FAT4: variants seen among roughly 807,000 people sequenced by gnomAD.
FAT4 encodes protocadherin Fat 4.
Under a neutral mutation model 303.9 loss-of-function variants are expected in FAT4, and 84 were observed. The observed-to-expected ratio is 0.28, with a 90% CI of 0.23 to 0.33. FAT4 has a LOEUF of 0.33. Among genes scored for constraint, FAT4 ranks in the 10% least tolerant of loss-of-function variants. FAT4 has a pLI of 1.00. For missense variants in FAT4, 6,005 were observed against 6,146.8 expected (o/e 0.98, Z 0.77); for synonymous variants, 2,307 against 2,298.8 (o/e 1.00, Z -0.10).
intron 10 of FAT4, among the ~76,000 whole-genome samples, chr4:125,453,479 C>T (rs775740405): frequency 1.3e-5 from 2 of 152,008 alleles, no homozygotes; most frequent in African/African-American, 2.4e-5. Flanking sequence ...AAGGCCAAGG[C>T]GGGCAGATCA....
chr4:125,415,377 A>C lies in FAT4; in HGVS notation c.6414A>C (p.Thr2138=), dbSNP rs952005284. 6 of 1,613,938 alleles carry C rather than the reference A, an allele frequency of 3.7e-6. No homozygotes were observed. Among genetic ancestry groups the C allele is most frequent in the Non-Finnish European group, 5.1e-6 (6 of 1,179,994 alleles). Residue 2138 remains threonine (T), a synonymous_variant, in exon 6 of 18, where the codon ACA becomes ACC. Transcript: ENST00000394329. ...DKGQPSLSSS[T]EVVVMVLDIN... ...GTCAACCATCTCTCTCTTCATCTAC[A>C]GAGGTTGTAGTTATGGTACTTGACA...
intron 2 of FAT4, among the ~76,000 whole-genome samples, chr4:125,331,097 C>G (rs573575546): frequency 1.1e-4 from 17 of 152,122 alleles, no homozygotes; most frequent in Non-Finnish European, 1.8e-4. Context: ...CTCTTTCCTT[C>G]CTTTTGTTTC....
At chr4:125,363,737 G>A (rs56995730) in intron 2 of FAT4, among the ~76,000 whole-genome samples, 9,223 of 151,958 alleles carry the variant, frequency 0.061, 422 homozygotes, top group East Asian at 0.19. Context: ...CTCATGATCC[G>A]TCCACCTTGG....
intron 17 of FAT4, 52 bp from the exon 18 acceptor site, chr4:125,489,849 T>TTTTTTTC (rs1452760747): frequency 1.8e-5 from 7 of 386,968 alleles, no homozygotes; most frequent in South Asian, 7.7e-5. Context: ...TATAAGCTCT[T>TTTTTTTC]TTTTTTTTTT....
At position 125,318,325 on chromosome 4, in the gene FAT4, T is replaced by G; in HGVS notation, c.1914T>G (p.Ser638=). The G allele has an allele frequency of 6.2e-7, 1 of 1,614,248 alleles. No homozygotes were observed. The highest frequency in any genetic ancestry group is 8.5e-7 in the Non-Finnish European group (1 of 1,180,044). ...DRRSFRLDPV[S]GRLSTISSLD... is the part of the protein sequence containing the mutation. Reference sequence around the variant, plus strand: ...GGTCCTTCCGTCTGGATCCTGTGTCTGGGAGGTTGAGTACTATTTCCTCCT... The same window carrying G: ...GGTCCTTCCGTCTGGATCCTGTGTCGGGGAGGTTGAGTACTATTTCCTCCT... Residue 638 remains serine, a synonymous_variant, in exon 2 of 18, where the codon TCT becomes TCG. Coordinates refer to ENST00000394329, the MANE Select transcript of FAT4 (RefSeq NM_001291303.3).
In FAT4 at chr4:125,398,800, A is replaced by G. The variant is rs751377554; in HGVS notation, c.5192A>G (p.Gln1731Arg). 2 of 1,613,140 alleles carry G rather than the reference A, an allele frequency of 1.2e-6. No homozygotes were observed. The highest frequency in any genetic ancestry group is 1.7e-5 in the Admixed American group (1 of 59,978). ...TCTTTGTAGGTAGAAATAACACTTC[A>G]GGATATCAATGACAATCCACCAGTA... is the stretch of plus-strand genomic sequence containing the variant. The part of the protein sequence containing the change: ...TQRAEVEITL[Q>R]DINDNPPVFP... Residue 1731 changes from glutamine (Q) to arginine (R), a missense_variant, in exon 3 of 18, where the codon CAG (glutamine) becomes CGG (arginine). Coordinates refer to ENST00000394329, the MANE Select transcript of FAT4 (RefSeq NM_001291303.3).
At chr4:125,471,134 T>G (rs1344208655) in intron 12 of FAT4, among the ~76,000 whole-genome samples, 1 of 152,216 alleles carries the variant, frequency 6.6e-6, no homozygotes. Context: ...AAATAACATT[T>G]ATCAATTAAG....
chr4:125,468,926 C>T, intron 12 of FAT4, 107 bp downstream of exon 12: 1 of 1,201,402 alleles, frequency 8.3e-7, no homozygotes, highest in East Asian at 2.4e-5. Flanking sequence ...TAAATGAACA[C>T]TTTAGTTATG....
chr4:125,430,946 C>A (rs1725262867), intron 7 of FAT4, among the ~76,000 whole-genome samples: 1 of 152,290 alleles, frequency 6.6e-6, no homozygotes, highest in African/African-American at 2.4e-5. Context: ...TTGGTATGAA[C>A]ACAGTGAGAC....
intron 3 of FAT4, among the ~76,000 whole-genome samples, chr4:125,405,918 T>A (rs1734584620): frequency 6.6e-6 from 1 of 152,208 alleles, no homozygotes; most frequent in South Asian, 2.1e-4. Context: ...ATTTATATAT[T>A]TTGAAAATTA....
chr4:125,341,633 A>G (rs1328182991), intron 2 of FAT4, among the ~76,000 whole-genome samples: 2 of 152,054 alleles, frequency 1.3e-5, no homozygotes, highest in African/African-American at 4.8e-5. Context: ...TTCCTTATCT[A>G]AAAATCATTT....
chr4:125,358,451 G>T (rs950229841), intron 2 of FAT4, among the ~76,000 whole-genome samples: 2 of 151,990 alleles, frequency 1.3e-5, no homozygotes, highest in African/African-American at 4.8e-5. Flanking sequence ...CCTGCAACTA[G>T]ATGTTCCCAT....
At chr4:125,388,745 C>T (rs1578586845) in intron 2 of FAT4, among the ~76,000 whole-genome samples, 1 of 152,242 alleles carries the variant, frequency 6.6e-6, no homozygotes, top group South Asian at 2.1e-4. Context: ...CTAACTTGAA[C>T]AATATTGAAA....
intron 2 of FAT4, among the ~76,000 whole-genome samples, chr4:125,336,489 A>G (rs547133867): frequency 6.6e-6 from 1 of 152,194 alleles, no homozygotes; most frequent in African/African-American, 2.4e-5. Flanking sequence ...GTTAAAAGAT[A>G]GGGTAAGTGA....
At chr4:125,370,564 T>C (rs775430557) in intron 2 of FAT4, among the ~76,000 whole-genome samples, 14 of 152,156 alleles carry the variant, frequency 9.2e-5, no homozygotes, top group Non-Finnish European at 1.8e-4. Context: ...AGGATTGCAG[T>C]TGGATTAATA....
chr4:125,320,536 C>CA lies in FAT4; in HGVS notation c.4131dup (p.Leu1378ThrfsTer4), dbSNP rs776607295. 1.9e-6 allele frequency: 3 copies of CA among 1,613,664 alleles called. No homozygotes were observed. Among genetic ancestry groups the CA allele is most frequent in the Non-Finnish European group, 1.7e-6 (2 of 1,179,812 alleles). On this transcript the variant is annotated frameshift_variant, in exon 2 of 18. Transcript: ENST00000394329. LOFTEE classifies it high-confidence loss of function. ...CAAACACTGGGAGTATTTTTCTTGCCAAAAAACTGGACTTTGAAACACAGT... is the reference window on the plus strand; with the variant it reads ...CAAACACTGGGAGTATTTTTCTTGCCAAAAAAACTGGACTTTGAAACACAGT...
intron 2 of FAT4, among the ~76,000 whole-genome samples, chr4:125,337,020 A>G (rs1039572804): frequency 5.3e-5 from 8 of 151,934 alleles, no homozygotes; most frequent in Non-Finnish European, 1.2e-4. Context: ...TTGTCAGTAT[A>G]TTGTTTTGTG....
intron 2 of FAT4, among the ~76,000 whole-genome samples, chr4:125,392,340 C>T (rs1734006124): frequency 6.6e-6 from 1 of 151,912 alleles, no homozygotes; most frequent in Non-Finnish European, 1.5e-5. Flanking sequence ...TCCAAAAAGT[C>T]AATAAAGTAA....
At chr4:125,485,125 A>T (rs535205834) in intron 16 of FAT4, among the ~76,000 whole-genome samples, 34 of 152,282 alleles carry the variant, frequency 2.2e-4, no homozygotes, top group African/African-American at 8.2e-4. Flanking sequence ...GAGAGTCATT[A>T]AGCAAGTGGT....
Sources: gnomAD v4.1 joint callset for allele counts (sites outside exome capture counted in the v4.1 genomes callset) on GRCh38, gnomAD v4.1.1 for gene constraint, MANE v1.5 for transcripts, NCBI Gene and HGNC (gene_info 2026-07-23, HGNC 2026-07-21) for gene names.